TLN2: variants seen among roughly 807,000 people sequenced by gnomAD.
TLN2 encodes talin 2.
Under a neutral mutation model 294.7 loss-of-function variants are expected in TLN2, and 118 were observed. That is an observed-to-expected ratio of 0.40 (90% CI 0.34 to 0.47). The LOEUF (loss-of-function observed/expected upper bound fraction) is 0.47. Among genes scored for constraint, TLN2 ranks in the 20% least tolerant of loss-of-function variants. TLN2 has a pLI of 0.84. For missense variants in TLN2, 3,083 were observed against 3,282.2 expected, an observed-to-expected ratio of 0.94 and a Z score of 1.48; for synonymous variants, 1,431 against 1,304.5, an observed-to-expected ratio of 1.10 and a Z score of -2.09.
Position 62,574,579 on chromosome 15 carries a change from C to CAAAAAAAAAAAAAAAAAAAAAAAAAAAAA in TLN2, c.-237-15096_-237-15068dup, listed in dbSNP as rs56279063. On this transcript the variant is annotated intron_variant, in intron 1 of 58. Coordinates refer to ENST00000636159, the MANE Select transcript of TLN2 (RefSeq NM_015059.3). ...TGGGCAACAGGATGAGACCCTGTCT[C>CAAAAAAAAAAAAAAAAAAAAAAAAAAAAA]AAAAAAAAAAAAAAAAAAAAAAAAA... 6.5e-5 allele frequency among the ~76,000 whole-genome samples: 3 copies of CAAAAAAAAAAAAAAAAAAAAAAAAAAAAA among 46,486 alleles called. 1 individual carries two copies. The highest frequency in any genetic ancestry group is 8.3e-5 in the African/African-American group (1 of 12,116). The allele number at this position is 46,486 out of a possible 152,430, so 30.5% of individuals were successfully genotyped here. A position where few individuals can be genotyped will look rare whatever the true frequency, so the allele number is the denominator to read the frequency against.
At chr15:62,591,061 C>G (rs895917598) in intron 2 of TLN2, among the ~76,000 whole-genome samples, 3 of 151,400 alleles carry the variant, frequency 2.0e-5, no homozygotes, top group Non-Finnish European at 4.4e-5. Context: ...TATTTACATA[C>G]TGTTCTTTGT....
chr15:62,478,316 T>C (rs1222511295), intron 1 of TLN2, among the ~76,000 whole-genome samples: 1 of 152,148 alleles, frequency 6.6e-6, no homozygotes, highest in Non-Finnish European at 1.5e-5. Flanking sequence ...AGTGGCGAGA[T>C]GGGGTCGCTT....
rs933045326 is a variant in TLN2 at position 62,465,377 on chromosome 15, T to C, written c.-238+74692T>C. On this transcript the variant is annotated intron_variant, in intron 1 of 58. Transcript: ENST00000636159. ...CTGGGGAAGTGGTTCTGTCTCCGAC[T>C]CTTTCAGAGAACGAGTGTGATGATA... 7.9e-5 allele frequency among the ~76,000 whole-genome samples: 12 copies of C among 152,288 alleles called. No individual in the cohort carries two copies. In the East Asian group the frequency reaches 2.3e-3, roughly 29 times the overall value.
intron 1 of TLN2, among the ~76,000 whole-genome samples, chr15:62,565,051 T>C (rs2043286774): frequency 1.3e-5 from 2 of 151,780 alleles, no homozygotes; most frequent in Non-Finnish European, 2.9e-5. Flanking sequence ...AGCTGCTAAT[T>C]TGTGCTTGTC....
chr15:62,414,271 G>A (rs2033958084), intron 1 of TLN2, among the ~76,000 whole-genome samples: 1 of 134,762 alleles, frequency 7.4e-6, no homozygotes, highest in Non-Finnish European at 1.6e-5. Flanking sequence ...TTGAGAATGT[G>A]GGGGAGGAGA....
At chr15:62,664,962 T>A (rs2054415708) in intron 9 of TLN2, among the ~76,000 whole-genome samples, 1 of 150,212 alleles carries the variant, frequency 6.7e-6, no homozygotes, top group South Asian at 2.1e-4. Context: ...GTAGCAGTCA[T>A]AAAGCAGATA....
At chr15:62,678,089 C>T (rs2056435264) in intron 11 of TLN2, among the ~76,000 whole-genome samples, 2 of 152,006 alleles carry the variant, frequency 1.3e-5, no homozygotes, top group Admixed American at 6.5e-5. Flanking sequence ...GCCACCACCC[C>T]TGGCCAAGCA....
At chr15:62,729,159 C>A (rs908225216) in intron 28 of TLN2, among the ~76,000 whole-genome samples, 1 of 152,166 alleles carries the variant, frequency 6.6e-6, no homozygotes, top group African/African-American at 2.4e-5. Context: ...TATGTTTGGA[C>A]CAGTTTGTGG....
intron 1 of TLN2, among the ~76,000 whole-genome samples, chr15:62,419,096 T>C (rs1312343286): frequency 1.3e-5 from 2 of 152,184 alleles, no homozygotes; most frequent in African/African-American, 4.8e-5. Flanking sequence ...GCATTCAGAT[T>C]GAGATATGTG....
rs775182611 is a variant in TLN2, at chr15:62,491,335, AAAATAT to A, written c.-237-98350_-237-98345del. Among the ~76,000 whole-genome samples, 538 of 100,920 alleles carry A rather than the reference AAAATAT, an allele frequency of 5.3e-3. 4 individuals carry two copies. The highest frequency in any genetic ancestry group is 0.02 in the African/African-American group (499 of 25,530). 66.2% of individuals were successfully genotyped at this position (100,920 alleles called of 152,430 possible). A position where few individuals can be genotyped will look rare whatever the true frequency, so the allele number is the denominator to read the frequency against. ...GAGCAAGACTCTGTCTCAAAAAAAA[AAAATAT>A]ATATATATATACACACACACACACA... On this transcript the variant is annotated intron_variant, in intron 1 of 58. Coordinates refer to ENST00000636159, the MANE Select transcript of TLN2 (RefSeq NM_015059.3).
At chr15:62,675,068 GC>G (rs1267903050) in intron 10 of TLN2, 148 bp from the exon 11 acceptor site, 6 of 684,380 alleles carry the variant, frequency 8.8e-6, no homozygotes, top group Non-Finnish European at 1.0e-5. Flanking sequence ...GTCAGCAGTT[GC>G]CTGTGTCATG....
At chr15:62,685,266 G>C (rs2057182658) in intron 11 of TLN2, among the ~76,000 whole-genome samples, 1 of 151,952 alleles carries the variant, frequency 6.6e-6, no homozygotes, top group South Asian at 2.1e-4. Context: ...TCTACAATAT[G>C]ATTTTTAATA....
At chr15:62,703,650 C>CACAG (rs34685862) in intron 19 of TLN2, among the ~76,000 whole-genome samples, 16,576 of 149,726 alleles carry the variant, frequency 0.11, 977 homozygotes, top group South Asian at 0.17. Context: ...CACACACACA[C>CACAG]AGAGAAAGAG....
intron 3 of TLN2, chr15:62,640,243 TGA>T (rs1323534666): frequency 2.2e-6 from 1 of 455,980 alleles, no homozygotes; most frequent in East Asian, 7.0e-5. Context: ...GGTGTTTCTT[TGA>T]GAGAGCTGAA....
At chr15:62,571,956 T>G (rs879860036) in intron 1 of TLN2, among the ~76,000 whole-genome samples, 15 of 152,234 alleles carry the variant, frequency 9.9e-5, no homozygotes, top group Non-Finnish European at 2.1e-4. Flanking sequence ...GTAATCAAAA[T>G]CCTCAAGGGC....
intron 9 of TLN2, among the ~76,000 whole-genome samples, chr15:62,664,903 A>G (rs530429366): frequency 6.7e-6 from 1 of 149,618 alleles, no homozygotes; most frequent in Admixed American, 6.6e-5. Context: ...AAGAAAGGAT[A>G]TGGGATTTCC....
chr15:62,742,072 T>TGTGTGA (rs1272145437), intron 32 of TLN2, among the ~76,000 whole-genome samples: 5,818 of 142,168 alleles, frequency 0.041, 230 homozygotes, highest in East Asian at 0.053. Flanking sequence ...TGTGTGTGTG[T>TGTGTGA]GTGAAGGGTT....
chr15:62,739,871 A>C (rs2061224854), intron 31 of TLN2, among the ~76,000 whole-genome samples: 1 of 152,180 alleles, frequency 6.6e-6, no homozygotes, highest in Non-Finnish European at 1.5e-5. Flanking sequence ...CAAATGTGGG[A>C]TAATACAATA....
chr15:62,461,880 G>A (rs2036829289), intron 1 of TLN2, among the ~76,000 whole-genome samples: 1 of 152,234 alleles, frequency 6.6e-6, no homozygotes. Context: ...AGCTGAGGAA[G>A]TCATGGCCTG....
Sources: gnomAD v4.1 joint callset for allele counts (sites outside exome capture counted in the v4.1 genomes callset) on GRCh38, gnomAD v4.1.1 for gene constraint, MANE v1.5 for transcripts, NCBI Gene and HGNC (gene_info 2026-07-23, HGNC 2026-07-21) for gene names.